GALNT13: variants seen among roughly 807,000 people sequenced by gnomAD.
GALNT13 encodes the protein polypeptide N-acetylgalactosaminyltransferase 13, also known as UDP-GalNAc:polypeptide N-acetylgalactosaminyltransferase 13.
GALNT13 carries 28 observed loss-of-function variants against 64.2 expected under a neutral mutation model. The ratio of observed to expected loss-of-function variants is 0.44; its 90% confidence interval spans 0.32 to 0.60. GALNT13 has a LOEUF of 0.60. GALNT13 is among the 20% of genes least tolerant of loss of function. The probability of loss-of-function intolerance (pLI) is 0.05; values close to 1 mark genes in which losing one functional copy is unlikely to be tolerated. For synonymous variants in GALNT13, 214 were observed against 224.6 expected (o/e 0.95, Z 0.42); for missense variants, 577 against 669.8 (o/e 0.86, Z 1.53).
the GALNT13 span, among the ~76,000 whole-genome samples, chr2:153,697,803 A>G: frequency 6.6e-6 from 1 of 152,314 alleles, no homozygotes; most frequent in Admixed American, 6.5e-5. Flanking sequence ...CCTAGGGGTG[A>G]CATGATCTGA....
intron 4 of GALNT13, among the ~76,000 whole-genome samples, chr2:154,198,917 A>C: frequency 6.6e-6 from 1 of 151,998 alleles, no homozygotes; most frequent in East Asian, 1.9e-4. Context: ...TAAATATATC[A>C]GAAAAAGGAG....
intron 9 of GALNT13, among the ~76,000 whole-genome samples, chr2:154,338,143 C>G (rs749103117): frequency 3.9e-5 from 6 of 152,010 alleles, no homozygotes; most frequent in Non-Finnish European, 2.9e-5. Context: ...TTTGCATGAT[C>G]AACTTTCACA....
chr2:154,232,454 T>A (rs1688966824), intron 4 of GALNT13, among the ~76,000 whole-genome samples: 1 of 152,134 alleles, frequency 6.6e-6, no homozygotes, highest in Non-Finnish European at 1.5e-5. Flanking sequence ...ATCATCACTC[T>A]AATAATCACT....
chr2:154,398,866 AT>A (rs1466224175), intron 10 of GALNT13, among the ~76,000 whole-genome samples: 4 of 152,204 alleles, frequency 2.6e-5, no homozygotes, highest in African/African-American at 9.6e-5. Context: ...GCCAACAGTT[AT>A]TCTAGGTGCT....
the GALNT13 span, among the ~76,000 whole-genome samples, chr2:153,681,290 A>T: frequency 9.9e-5 from 15 of 151,978 alleles, no homozygotes; most frequent in Admixed American, 3.9e-4. Flanking sequence ...TACTGAAATG[A>T]CACAATTGTG....
the GALNT13 span, among the ~76,000 whole-genome samples, chr2:153,207,660 T>C: frequency 6.6e-6 from 1 of 152,178 alleles, no homozygotes; most frequent in East Asian, 1.9e-4. Flanking sequence ...TTCAAAATAA[T>C]GATTTGGTTT....
At chr2:153,079,208 G>C in the GALNT13 span, among the ~76,000 whole-genome samples, 1 of 152,108 alleles carries the variant, frequency 6.6e-6, no homozygotes, top group Non-Finnish European at 1.5e-5. Context: ...GGGAGGAGGG[G>C]ATAATAATAG....
At position 154,453,949 on chromosome 2, in the gene GALNT13, T is replaced by A. The variant is rs1333324130; in HGVS notation, c.*3398T>A. 1.3e-5 allele frequency: 2 copies of A among 152,308 alleles called. No individual in the cohort carries two copies. Among genetic ancestry groups the A allele is most frequent in the East Asian group, 3.9e-4 (2 of 5,190 alleles). The allele number at this position is 152,308 out of a possible 1,614,324, so 9.4% of individuals were successfully genotyped here. A position where few individuals can be genotyped will look rare whatever the true frequency, so the allele number is the denominator to read the frequency against. ...TATCCTGCCTTATGGAAATGAAATA[T>A]GAAATTTTATTAAAATGCTGCTATA... On this transcript the variant is annotated 3_prime_UTR_variant, in exon 13 of 13. Transcript: ENST00000392825.
the GALNT13 span, among the ~76,000 whole-genome samples, chr2:153,319,823 C>T: frequency 6.6e-6 from 1 of 152,096 alleles, no homozygotes; most frequent in East Asian, 1.9e-4. Context: ...TAAAAGCATA[C>T]TAACTTTCAT....
intron 2 of GALNT13, among the ~76,000 whole-genome samples, chr2:153,927,212 A>G (rs1211881619): frequency 6.6e-6 from 1 of 152,064 alleles, no homozygotes; most frequent in Admixed American, 6.6e-5. Context: ...TCTATCTGCA[A>G]AGAAAGAAAG....
chr2:154,054,466 C>T (rs571194533), intron 3 of GALNT13, among the ~76,000 whole-genome samples: 33 of 152,004 alleles, frequency 2.2e-4, no homozygotes, highest in South Asian at 8.3e-4. Context: ...CAAGTGAATA[C>T]ATATTCTAGT....
chr2:153,630,797 ATATATATATATT>A, the GALNT13 span, among the ~76,000 whole-genome samples: 292 of 16,320 alleles, frequency 0.018, no homozygotes, highest in Non-Finnish European at 0.026. Flanking sequence ...ATATATATAT[ATATATATATATT>A]TTTTTTTTTT....
chr2:153,612,820 C>T, the GALNT13 span, among the ~76,000 whole-genome samples: 1 of 152,126 alleles, frequency 6.6e-6, no homozygotes. Context: ...AATATGATGA[C>T]ATTAATACTT....
chr2:154,301,273 T>C (rs934542528), intron 8 of GALNT13, 136 bp from the exon 9 acceptor site: 55 of 680,914 alleles, frequency 8.1e-5, no homozygotes, highest in Non-Finnish European at 1.5e-5. Context: ...CAAAAGTAAG[T>C]ATAGTGTACC....
chr2:153,140,723 C>T, the GALNT13 span, among the ~76,000 whole-genome samples: 1 of 151,986 alleles, frequency 6.6e-6, no homozygotes. Flanking sequence ...TTTTCTCTTA[C>T]CAAGGGAAGC....
At chr2:153,546,473 T>C in the GALNT13 span, among the ~76,000 whole-genome samples, 1 of 152,178 alleles carries the variant, frequency 6.6e-6, no homozygotes. Context: ...ATTTGAGACA[T>C]TGGAGGCAAG....
In GALNT13 at chr2:153,960,195, C is replaced by A. The variant is rs1574209774; in HGVS notation, c.142+15556C>A. Among the ~76,000 whole-genome samples the A allele has an allele frequency of 2.0e-5, 3 of 152,218 alleles. No individual in the cohort carries two copies. In the South Asian group the frequency reaches 6.2e-4, roughly 31 times the overall value. On this transcript the variant is annotated intron_variant, in intron 3 of 12. Transcript: ENST00000392825. ...GCTAATCACTTTTTGCCACCATTGG[C>A]TCTGCTGATCAGTGTCCCATGAATC...
chr2:153,553,302 C>G, the GALNT13 span, among the ~76,000 whole-genome samples: 3 of 151,978 alleles, frequency 2.0e-5, no homozygotes, highest in African/African-American at 7.3e-5. Context: ...AGTTTGCGAC[C>G]AGCCTGGGCA....
At chr2:153,642,816 G>T in the GALNT13 span, among the ~76,000 whole-genome samples, 5 of 151,790 alleles carry the variant, frequency 3.3e-5, no homozygotes, top group South Asian at 1.0e-3. Flanking sequence ...CATGAACTAG[G>T]TAATAAAGCA....
Sources: gnomAD v4.1 joint callset for allele counts (sites outside exome capture counted in the v4.1 genomes callset) on GRCh38, gnomAD v4.1.1 for gene constraint, MANE v1.5 for transcripts, NCBI Gene and HGNC (gene_info 2026-07-23, HGNC 2026-07-21) for gene names.